TRMT11: variants seen among roughly 807,000 people sequenced by gnomAD.
TRMT11 encodes tRNA methyltransferase 11.
Under a neutral mutation model 62.8 loss-of-function variants are expected in TRMT11, and 53 were observed. The observed-to-expected ratio is 0.84, with a 90% CI of 0.68 to 1.06. The LOEUF (loss-of-function observed/expected upper bound fraction) is 1.06, where lower values mean the gene tolerates loss of function less well. Ranked by LOEUF, TRMT11 falls within the 50% of genes least tolerant of loss-of-function variation. The probability of loss-of-function intolerance (pLI) is 0.00; values close to 1 mark genes in which losing one functional copy is unlikely to be tolerated. For synonymous variants in TRMT11, 188 were observed against 190.3 expected, an observed-to-expected ratio of 0.99 and a Z score of 0.10; for missense variants, 556 against 553.4, an observed-to-expected ratio of 1.00 and a Z score of -0.05.
rs1156856995 is a variant in TRMT11, at chr6:126,107,027, CT to C, written c.*1438-5835del. 2.6e-5 allele frequency among the ~76,000 whole-genome samples: 4 copies of C among 150,964 alleles called. No individual in the cohort carries two copies. The East Asian group carries it at 7.7e-4, about 29-fold the overall frequency. ...ATTTAGTTAACAACTTTTTCTTTAG[CT>C]TTTCAGGATATATTTTGAGATCCTT... On this transcript the variant is annotated intron_variant and NMD_transcript_variant, in intron 17 of 22. Transcript: ENST00000648977.
the TRMT11 span, among the ~76,000 whole-genome samples, chr6:126,225,252 A>G: frequency 1.3e-5 from 2 of 152,138 alleles, no homozygotes; most frequent in South Asian, 2.1e-4. Flanking sequence ...AGCTCTCCCT[A>G]TCAGCTCAAA....
chr6:126,193,488 G>GTTTTTTTTTTTTT lies in TRMT11; in HGVS notation n.144-5310_144-5309insTTTTTTTTTTTTT, dbSNP rs1778627491. Among the ~76,000 whole-genome samples the GTTTTTTTTTTTTT allele has an allele frequency of 3.8e-3, 454 of 118,058 alleles. 49 individuals are homozygous for GTTTTTTTTTTTTT. Among genetic ancestry groups the GTTTTTTTTTTTTT allele is most frequent in the African/African-American group, 0.016 (431 of 26,832 alleles). The allele number at this position is 118,058 out of a possible 152,430, so 77.5% of individuals were successfully genotyped here. ...TAGGTTATTTAAGAGGAGCGTTTCTGTATTTTTTTTTTTTTTTTTTTTTTT... is the reference window on the plus strand; with the variant it reads ...TAGGTTATTTAAGAGGAGCGTTTCTGTTTTTTTTTTTTTTATTTTTTTTTTTTTTTTTTTTTTT... On this transcript the variant is annotated intron_variant and non_coding_transcript_variant, in intron 1 of 3. Coordinates refer to the TRMT11 transcript ENST00000444229.
chr6:126,091,936 T>C (rs948894821), intron 17 of TRMT11, among the ~76,000 whole-genome samples: 2 of 152,226 alleles, frequency 1.3e-5, no homozygotes, highest in African/African-American at 4.8e-5. Context: ...AAAATGTTAA[T>C]ATATATCCCA....
downstream of TRMT11, among the ~76,000 whole-genome samples, chr6:126,205,777 A>C (rs1778783356): frequency 6.6e-6 from 1 of 152,018 alleles, no homozygotes; most frequent in African/African-American, 2.4e-5. Context: ...AAATTGTGCC[A>C]GAAGATGGCA....
rs74763529 is a variant in TRMT11 at position 126,032,487 on chromosome 6, G to A, written c.1261-6218G>A. 4.1e-3 allele frequency among the ~76,000 whole-genome samples: 628 copies of A among 152,140 alleles called. 1 individual carries two copies. The highest frequency in any genetic ancestry group is 0.014 in the African/African-American group (597 of 41,470). On this transcript the variant is annotated intron_variant, in intron 12 of 12. Transcript: ENST00000334379. ...TTTTAGTCTCAGAGTCTTCTCACAC[G>A]CACTGTGTTTCCTCTTCCTAGAATG...
chr6:126,114,452 A>G (rs1319109338), intron 18 of TRMT11, among the ~76,000 whole-genome samples: 3 of 152,100 alleles, frequency 2.0e-5, no homozygotes, highest in Non-Finnish European at 4.4e-5. Context: ...TGAGATGCCC[A>G]TGATTAGTGG....
At chr6:126,004,517 G>A (rs1399591331) in intron 7 of TRMT11, among the ~76,000 whole-genome samples, 1 of 151,998 alleles carries the variant, frequency 6.6e-6, no homozygotes, top group African/African-American at 2.4e-5. Flanking sequence ...AATAGACACA[G>A]GTCTTAAGCA....
chr6:125,989,649 T>C (rs754105128), intron 1 of TRMT11, among the ~76,000 whole-genome samples: 15 of 152,218 alleles, frequency 9.9e-5, no homozygotes, highest in Non-Finnish European at 1.5e-4. Flanking sequence ...ACAACCTTAG[T>C]ACTTGGTGAT....
In TRMT11 at chr6:125,986,561, C is replaced by T. The variant is rs138353816; in HGVS notation, c.11C>T (p.Ser4Leu). 44 of 1,590,606 alleles carry T rather than the reference C, an allele frequency of 2.8e-5. No homozygotes were observed. Among genetic ancestry groups the T allele is most frequent in the Non-Finnish European group, 3.7e-5 (43 of 1,170,990 alleles). MAL[S>L]CTLNRYLLLM... ...CGGTGGGCAGCTGCAATGGCGCTGT[C>T]GTGTACCCTTAACAGGTATCTGCTC... The change falls in exon 1 of 13, where the codon TCG (serine) becomes TTG (leucine). Residue 4 changes from serine to leucine, a missense_variant. By Grantham distance (145) the Ser-to-Leu change is moderately radical. Coordinates refer to ENST00000334379, the MANE Select transcript of TRMT11 (RefSeq NM_001031712.3).
At chr6:126,257,888 T>C in the TRMT11 span, 14 of 1,415,064 alleles carry the variant, frequency 9.9e-6, no homozygotes, top group Non-Finnish European at 1.4e-5. Context: ...ACAGTGATTG[T>C]CCTGAGCCAC....
At chr6:126,064,159 G>T (rs1474181549) in intron 17 of TRMT11, among the ~76,000 whole-genome samples, 1 of 151,992 alleles carries the variant, frequency 6.6e-6, no homozygotes, top group Non-Finnish European at 1.5e-5. Context: ...ATGGGGGTGA[G>T]CTCTGAGTGT....
downstream of TRMT11, among the ~76,000 whole-genome samples, chr6:126,203,908 G>A (rs2128253961): frequency 6.7e-6 from 1 of 149,658 alleles, no homozygotes; most frequent in South Asian, 2.1e-4. Flanking sequence ...CTGGGAGGTG[G>A]GATCATCATT....
At chr6:126,099,336 A>C (rs1471632544) in intron 17 of TRMT11, among the ~76,000 whole-genome samples, 1 of 152,172 alleles carries the variant, frequency 6.6e-6, no homozygotes, top group Non-Finnish European at 1.5e-5. Context: ...GTTTTGCTCT[A>C]CATATCCTGT....
intron 17 of TRMT11, among the ~76,000 whole-genome samples, chr6:126,056,553 G>A (rs757684676): frequency 7.9e-5 from 12 of 152,256 alleles, no homozygotes; most frequent in Non-Finnish European, 1.6e-4. Flanking sequence ...GGCCACCTTT[G>A]GGGTCAGCTG....
chr6:126,131,380 T>C (rs1416332809), intron 21 of TRMT11, among the ~76,000 whole-genome samples: 2 of 152,040 alleles, frequency 1.3e-5, no homozygotes, highest in African/African-American at 4.8e-5. Context: ...TTATGGGATT[T>C]AGCTATAGAG....
intron 12 of TRMT11, among the ~76,000 whole-genome samples, chr6:126,032,139 G>T (rs190320502): frequency 9.9e-5 from 15 of 152,222 alleles, no homozygotes; most frequent in Middle Eastern, 3.4e-3. Flanking sequence ...CCAGGACCAT[G>T]GGGCAGTACT....
chr6:126,041,015 A>G (rs1775862248), downstream of TRMT11, among the ~76,000 whole-genome samples: 1 of 152,158 alleles, frequency 6.6e-6, no homozygotes, highest in South Asian at 2.1e-4. Flanking sequence ...TGATTTCCTT[A>G]TGACTAACTC....
chr6:126,092,416 C>T (rs919939497), intron 17 of TRMT11, among the ~76,000 whole-genome samples: 30 of 152,164 alleles, frequency 2.0e-4, no homozygotes, highest in African/African-American at 7.2e-4. Context: ...AGGAAAACCC[C>T]TTAGAAAACC....
chr6:126,072,017 C>T (rs1776873068), intron 17 of TRMT11, among the ~76,000 whole-genome samples: 1 of 152,126 alleles, frequency 6.6e-6, no homozygotes, highest in Non-Finnish European at 1.5e-5. Context: ...TCAATCTGAG[C>T]TCAGTGCTAA....
Sources: allele counts gnomAD v4.1 joint callset (sites outside exome capture counted in the v4.1 genomes callset), GRCh38; gene constraint gnomAD v4.1.1; transcripts MANE v1.5; gene names NCBI Gene and HGNC (gene_info 2026-07-23, HGNC 2026-07-21).